UBXN2A: variants seen among roughly 807,000 people sequenced by gnomAD.
UBXN2A encodes the protein UBX domain protein 2A, also known as UBX domain-containing protein 2A.
Under a neutral mutation model 28.4 loss-of-function variants are expected in UBXN2A, and 28 were observed. The observed-to-expected ratio is 0.99, with a 90% CI of 0.73 to 1.35. The LOEUF (loss-of-function observed/expected upper bound fraction) is 1.35. UBXN2A is among the 40% of genes most tolerant of loss of function. UBXN2A has a pLI of 0.00. For synonymous variants in UBXN2A, 97 were observed against 103.6 expected (o/e 0.94, Z 0.39); for missense variants, 253 against 297.9 (o/e 0.85, Z 1.11).
chr2:23,982,653 A>G lies in UBXN2A; in HGVS notation c.288-243A>G, dbSNP rs568265743. ...AAATTTAAAAAATATATGCTTTCACAATAAAAAATAATAAAAACTGATGCT... is the reference window on the plus strand; with the variant it reads ...AAATTTAAAAAATATATGCTTTCACGATAAAAAATAATAAAAACTGATGCT... On this transcript the variant is annotated intron_variant, in intron 4 of 6. Coordinates refer to ENST00000309033, the MANE Select transcript of UBXN2A (RefSeq NM_181713.4). Among the ~76,000 whole-genome samples the G allele has an allele frequency of 7.9e-5, 12 of 152,262 alleles. No homozygotes were observed. The East Asian group carries it at 2.3e-3, about 29-fold the overall frequency.
chr2:23,983,908 G>C (rs540519193), intron 5 of UBXN2A, among the ~76,000 whole-genome samples: 5 of 151,970 alleles, frequency 3.3e-5, no homozygotes. Flanking sequence ...ACTCCTGACC[G>C]CAGGTGATCC....
At chr2:23,942,032 A>C in intron 1 of UBXN2A, among the ~76,000 whole-genome samples, 1 of 152,186 alleles carries the variant, frequency 6.6e-6, no homozygotes, top group Non-Finnish European at 1.5e-5. Flanking sequence ...GTGAGCCAAG[A>C]TGGTGCCACT....
intron 1 of UBXN2A, among the ~76,000 whole-genome samples, chr2:23,942,046 C>T (rs1705785889): frequency 6.6e-6 from 1 of 152,144 alleles, no homozygotes; most frequent in South Asian, 2.1e-4. Context: ...TGCCACTGCA[C>T]TCCAGCCTGG....
At chr2:23,953,243 A>G (rs1298743949) in intron 1 of UBXN2A, among the ~76,000 whole-genome samples, 1 of 152,170 alleles carries the variant, frequency 6.6e-6, no homozygotes, top group Non-Finnish European at 1.5e-5. Context: ...TTTAGGGTAG[A>G]GTTTTTCATC....
chr2:23,982,262 G>A (rs2150893512), intron 4 of UBXN2A, among the ~76,000 whole-genome samples: 1 of 152,054 alleles, frequency 6.6e-6, no homozygotes, highest in African/African-American at 2.4e-5. Context: ...AGCTACTTAG[G>A]AGGCTGAGGC....
At position 24,003,548 on chromosome 2, in the gene UBXN2A, T is replaced by C. The variant is rs1007688113; in HGVS notation, c.*3681T>C. ...GCTTTTCCTAGCTCCCAGCCTTCCATGGGGCAGAAGGCTCTTTTAATTAGG... is the reference window on the plus strand; with the variant it reads ...GCTTTTCCTAGCTCCCAGCCTTCCACGGGGCAGAAGGCTCTTTTAATTAGG... On this transcript the variant is annotated 3_prime_UTR_variant, in exon 7 of 7. Transcript: ENST00000309033. The C allele has an allele frequency of 2.0e-5, 3 of 152,122 alleles. No individual in the cohort carries two copies. Among genetic ancestry groups the C allele is most frequent in the Non-Finnish European group, 4.4e-5 (3 of 68,006 alleles). 9.4% of individuals were successfully genotyped at this position (152,122 alleles called of 1,614,324 possible).
chr2:23,977,705 T>C (rs911030955), intron 4 of UBXN2A, among the ~76,000 whole-genome samples: 2 of 152,178 alleles, frequency 1.3e-5, no homozygotes, highest in Non-Finnish European at 2.9e-5. Context: ...TCAGAAGATA[T>C]TTTAGGCATT....
At chr2:23,990,539 G>A (rs1277633045) in intron 6 of UBXN2A, among the ~76,000 whole-genome samples, 1 of 136,052 alleles carries the variant, frequency 7.4e-6, no homozygotes, top group African/African-American at 2.6e-5. Context: ...GGCCGGGGGG[G>A]CGGGGGGGCG....
At position 23,979,949 on chromosome 2, in the gene UBXN2A, T is replaced by C. The variant is rs112819423; in HGVS notation, c.287+2874T>C. 1.6e-3 allele frequency among the ~76,000 whole-genome samples: 249 copies of C among 152,126 alleles called. 2 individuals are homozygous for C. Among genetic ancestry groups the C allele is most frequent in the African/African-American group, 5.7e-3 (238 of 41,534 alleles). On this transcript the variant is annotated intron_variant, in intron 4 of 6. Coordinates refer to ENST00000309033, the MANE Select transcript of UBXN2A (RefSeq NM_181713.4). ...TTATGTAAAAAAAAAAACCCAGCTATGTTTAGATATAATTAACCTACCATA... is the reference window on the plus strand; with the variant it reads ...TTATGTAAAAAAAAAAACCCAGCTACGTTTAGATATAATTAACCTACCATA...
intron 6 of UBXN2A, among the ~76,000 whole-genome samples, chr2:23,994,239 T>G (rs999355092): frequency 6.6e-6 from 1 of 152,180 alleles, no homozygotes; most frequent in Non-Finnish European, 1.5e-5. Context: ...TTCTCTTTGT[T>G]CTTAGATTTT....
intron 1 of UBXN2A, among the ~76,000 whole-genome samples, chr2:23,930,561 G>T (rs960532253): frequency 2.6e-5 from 4 of 152,124 alleles, no homozygotes; most frequent in Non-Finnish European, 5.9e-5. Flanking sequence ...AAGAAAGGAA[G>T]ACTTGAAAAA....
chr2:23,997,874 G>A (rs867770851), intron 6 of UBXN2A, among the ~76,000 whole-genome samples: 10 of 149,814 alleles, frequency 6.7e-5, no homozygotes, highest in African/African-American at 2.0e-4. Context: ...GTGCAGTGGC[G>A]TCATTTTGGC....
At chr2:23,994,713 T>C (rs1170641511) in intron 6 of UBXN2A, among the ~76,000 whole-genome samples, 5 of 152,248 alleles carry the variant, frequency 3.3e-5, no homozygotes, top group African/African-American at 4.8e-5. Flanking sequence ...GCATACCTTA[T>C]AATTCATCTG....
chr2:23,932,262 G>A (rs1448013684), intron 1 of UBXN2A, among the ~76,000 whole-genome samples: 1 of 151,790 alleles, frequency 6.6e-6, no homozygotes, highest in Non-Finnish European at 1.5e-5. Flanking sequence ...AGGTTGCGGT[G>A]AGCTGAGATC....
chr2:23,937,381 C>CA (rs201602374), upstream of UBXN2A, among the ~76,000 whole-genome samples: 4 of 152,042 alleles, frequency 2.6e-5, no homozygotes, highest in Admixed American at 1.3e-4. Context: ...TCCATCTCTA[C>CA]AAAAAAAATT....
intron 2 of UBXN2A, among the ~76,000 whole-genome samples, chr2:23,970,294 C>CA (rs1287028540): frequency 1.3e-5 from 2 of 152,092 alleles, no homozygotes; most frequent in Non-Finnish European, 2.9e-5. Flanking sequence ...AAGAAAACCT[C>CA]AAAAAACAGA....
intron 1 of UBXN2A, among the ~76,000 whole-genome samples, chr2:23,929,557 C>CA (rs1705309379): frequency 6.6e-6 from 1 of 151,442 alleles, no homozygotes; most frequent in Non-Finnish European, 1.5e-5. Flanking sequence ...ACTAAAAATA[C>CA]AAAAAATTAG....
At chr2:23,933,981 C>T (rs1179339715) in intron 1 of UBXN2A, among the ~76,000 whole-genome samples, 1 of 151,912 alleles carries the variant, frequency 6.6e-6, no homozygotes, top group African/African-American at 2.4e-5. Flanking sequence ...TTTGGGAGGC[C>T]GAGAGGAGCA....
intron 1 of UBXN2A, among the ~76,000 whole-genome samples, chr2:23,948,924 T>C (rs1245553677): frequency 6.6e-6 from 1 of 151,152 alleles, no homozygotes; most frequent in Non-Finnish European, 1.5e-5. Flanking sequence ...TGAAATCCTT[T>C]AAGTAAGACT....
Sources: gnomAD v4.1 joint callset for allele counts (sites outside exome capture counted in the v4.1 genomes callset) on GRCh38, gnomAD v4.1.1 for gene constraint, MANE v1.5 for transcripts, NCBI Gene and HGNC (gene_info 2026-07-23, HGNC 2026-07-21) for gene names.